Variants in LONP2 observed in about 807,000 individuals in gnomAD.
The protein encoded by LONP2 is lon protease homolog 2, peroxisomal.
LONP2 carries 60 observed loss-of-function variants against 85.6 expected under a neutral mutation model. The observed-to-expected ratio is 0.70, with a 90% CI of 0.57 to 0.87. LONP2 has a LOEUF of 0.87. LONP2 is among the 40% of genes least tolerant of loss of function. The probability of loss-of-function intolerance (pLI) is 0.00; values close to 1 mark genes in which losing one functional copy is unlikely to be tolerated. For synonymous variants in LONP2, 395 were observed against 389.7 expected (o/e 1.01, Z -0.16); for missense variants, 860 against 1,063.5 (o/e 0.81, Z 2.66).
chr16:48,250,502 A>G (rs1407608685), intron 1 of LONP2, among the ~76,000 whole-genome samples: 2 of 152,024 alleles, frequency 1.3e-5, no homozygotes, highest in African/African-American at 4.8e-5. Flanking sequence ...ACAAAAAACA[A>G]AAAACAACTC....
intron 11 of LONP2, among the ~76,000 whole-genome samples, chr16:48,320,796 G>A (rs796768426): frequency 8.5e-5 from 13 of 152,218 alleles, no homozygotes; most frequent in African/African-American, 2.6e-4. Context: ...TGTACAGACC[G>A]GGAGGAAGCT....
intron 2 of LONP2, 148 bp downstream of exon 2, chr16:48,252,513 T>C: frequency 2.0e-6 from 1 of 497,974 alleles, no homozygotes; most frequent in Admixed American, 3.8e-5. Context: ...TGATTTACTC[T>C]TATCTGGGGT....
chr16:48,347,733 CCAGG>C lies in LONP2; in HGVS notation c.2146+25_2146+28del. 2 of 1,603,578 alleles carry C rather than the reference CCAGG, an allele frequency of 1.2e-6. No homozygotes were observed. Among genetic ancestry groups the C allele is most frequent in the Non-Finnish European group, 1.7e-6 (2 of 1,175,780 alleles). Reference sequence around the variant, plus strand: ...ACCAATGGTAGGAGCCTGCACCCGGCCAGGCAGGCGTGACCCAGGAGGCGGTACC... The same window carrying C: ...ACCAATGGTAGGAGCCTGCACCCGGCCAGGCGTGACCCAGGAGGCGGTACC... On this transcript the variant is annotated intron_variant, in intron 13 of 14. Transcript: ENST00000285737.
chr16:48,342,905 C>T (rs16946118), intron 12 of LONP2, among the ~76,000 whole-genome samples: 1,863 of 152,262 alleles, frequency 0.012, 40 homozygotes, highest in African/African-American at 0.042. Flanking sequence ...TTTGACAGCT[C>T]AGGTTCTGTG....
intron 6 of LONP2, among the ~76,000 whole-genome samples, chr16:48,264,110 G>T (rs922629053): frequency 6.6e-5 from 10 of 152,284 alleles, no homozygotes; most frequent in Admixed American, 5.2e-4. Flanking sequence ...CCACAGCTCC[G>T]AGGCGAAATT....
chr16:48,262,926 A>G (rs1971908399), intron 6 of LONP2, 54 bp downstream of exon 6: 3 of 1,148,354 alleles, frequency 2.6e-6, no homozygotes, highest in Non-Finnish European at 3.8e-6. Context: ...CAGAAAGCTC[A>G]TGCAATTTTT....
intron 9 of LONP2, among the ~76,000 whole-genome samples, chr16:48,297,861 AGCT>A (rs1972709837): frequency 6.6e-6 from 1 of 152,058 alleles, no homozygotes; most frequent in Non-Finnish European, 1.5e-5. Flanking sequence ...CACCACGCCC[AGCT>A]AATTTTTGTA....
At chr16:48,299,641 A>G in intron 9 of LONP2, 21 bp from the exon 10 acceptor site, 1 of 1,591,268 alleles carries the variant, frequency 6.3e-7, no homozygotes, top group Non-Finnish European at 8.5e-7. Flanking sequence ...TAATTACAAA[A>G]CAAGATCTCT....
At position 48,303,589 on chromosome 16, in the gene LONP2, A is replaced by T. The variant is rs561797206; in HGVS notation, c.1795+284A>T. On this transcript the variant is annotated intron_variant, in intron 11 of 14. Coordinates refer to ENST00000285737, the MANE Select transcript of LONP2 (RefSeq NM_031490.5). ...TAGAGGGACAAGACTAATAGGATAG[A>T]TGTGTATATGAAGAAGAGTTTAAGG... 2.6e-5 allele frequency among the ~76,000 whole-genome samples: 4 copies of T among 152,348 alleles called. No homozygotes were observed. In the South Asian group the frequency reaches 8.3e-4, roughly 32 times the overall value.
chr16:48,245,622 G>A (rs530388271), intron 1 of LONP2, among the ~76,000 whole-genome samples: 1 of 150,952 alleles, frequency 6.6e-6, no homozygotes, highest in East Asian at 1.9e-4. Flanking sequence ...GGGAAACCAG[G>A]AGGTTGGTCA....
At chr16:48,328,809 C>T (rs534780160) in intron 11 of LONP2, among the ~76,000 whole-genome samples, 10 of 147,290 alleles carry the variant, frequency 6.8e-5, no homozygotes, top group South Asian at 6.5e-4. Context: ...CACACCACTA[C>T]GCTCCAGCCT....
In LONP2 at chr16:48,351,826, T is replaced by G. The variant is rs778236717; in HGVS notation, c.*24T>G. On this transcript the variant is annotated 3_prime_UTR_variant, in exon 15 of 15. Coordinates refer to ENST00000285737, the MANE Select transcript of LONP2 (RefSeq NM_031490.5). The stretch of plus-strand genomic sequence containing the variant: ...AGGTCCAAATCTCAATTTTTTAGAA[T>G]TTTAAGTTATGAAGTGCTCAAAGGT... 1.3e-6 allele frequency: 2 copies of G among 1,597,268 alleles called. No homozygotes were observed. Among genetic ancestry groups the G allele is most frequent in the Non-Finnish European group, 8.6e-7 (1 of 1,165,856 alleles).
rs1015387060 is a variant in LONP2 at position 48,292,603 on chromosome 16, C to G, written c.1384-3412C>G. Reference sequence around the variant, plus strand: ...AGTTTGGCCTAAAGGTTTCCCCTTACAAAGTAAACTGCAGCCTAACTAGCT... The same window carrying G: ...AGTTTGGCCTAAAGGTTTCCCCTTAGAAAGTAAACTGCAGCCTAACTAGCT... On this transcript the variant is annotated intron_variant, in intron 8 of 14. Coordinates refer to ENST00000285737, the MANE Select transcript of LONP2 (RefSeq NM_031490.5). Among the ~76,000 whole-genome samples the G allele has an allele frequency of 1.3e-5, 2 of 152,210 alleles. 1 individual carries two copies. The highest frequency in any genetic ancestry group is 4.1e-4 in the South Asian group (2 of 4,832).
Position 48,356,685 on chromosome 16 carries a change from G to A in LONP2, c.*4883G>A, listed in dbSNP as rs936459065. 14 of 391,484 alleles carry A rather than the reference G, an allele frequency of 3.6e-5. No individual in the cohort carries two copies. The Admixed American group carries it at 3.9e-4, about 11-fold the overall frequency. The allele number at this position is 391,484 out of a possible 1,614,324, so 24.3% of individuals were successfully genotyped here. Reference sequence around the variant, plus strand: ...GAAAGAGGAAGGAAATATCAAAAAGGTCTGAATAGACAACAGGCAAATATG... The same window carrying A: ...GAAAGAGGAAGGAAATATCAAAAAGATCTGAATAGACAACAGGCAAATATG... On this transcript the variant is annotated 3_prime_UTR_variant, in exon 15 of 15. Coordinates refer to ENST00000285737, the MANE Select transcript of LONP2 (RefSeq NM_031490.5).
intron 12 of LONP2, chr16:48,343,728 G>A (rs1246710777): frequency 6.6e-6 from 1 of 152,044 alleles, no homozygotes. Flanking sequence ...TACATTAGAA[G>A]ACACATTCTG....
At chr16:48,281,387 G>T (rs1256539797) in intron 8 of LONP2, among the ~76,000 whole-genome samples, 1 of 152,036 alleles carries the variant, frequency 6.6e-6, no homozygotes, top group African/African-American at 2.4e-5. Context: ...AAAATTTATT[G>T]GAAGACTATA....
Position 48,244,576 on chromosome 16 carries a change from C to T in LONP2, c.188C>T (p.Thr63Met). ...ACCATCCTGGGCGTCATCCCCAACA[C>T]GCCTGACCCCGCCAGCGACGCGCAG... ...QSTILGVIPN[T>M]PDPASDAQDL... The change falls in exon 1 of 15, where the codon ACG becomes ATG. Residue 63 changes from threonine to methionine, a missense_variant. Transcript: ENST00000285737. The T allele has an allele frequency of 6.7e-7, 1 of 1,503,346 alleles. No individual in the cohort carries two copies. The highest frequency in any genetic ancestry group is 8.9e-7 in the Non-Finnish European group (1 of 1,128,392). 93.1% of individuals were successfully genotyped at this position (1,503,346 alleles called of 1,614,324 possible).
intron 11 of LONP2, among the ~76,000 whole-genome samples, chr16:48,330,884 A>G (rs940088280): frequency 6.6e-6 from 1 of 152,194 alleles, no homozygotes; most frequent in Non-Finnish European, 1.5e-5. Flanking sequence ...CATTAGAAAT[A>G]GCTCTCCCAA....
intron 6 of LONP2, among the ~76,000 whole-genome samples, chr16:48,267,330 C>T (rs1054702069): frequency 5.3e-5 from 8 of 152,106 alleles, no homozygotes; most frequent in African/African-American, 9.7e-5. Context: ...GATGGAGTCT[C>T]GCTCTGTCAC....
Sources: gnomAD v4.1 joint callset for allele counts (sites outside exome capture counted in the v4.1 genomes callset) on GRCh38, gnomAD v4.1.1 for gene constraint, MANE v1.5 for transcripts, NCBI Gene and HGNC (gene_info 2026-07-23, HGNC 2026-07-21) for gene names.